Variants in CENPP observed in about 807,000 individuals in gnomAD.
The protein encoded by CENPP is centromere protein P.
Under a neutral mutation model 35.6 loss-of-function variants are expected in CENPP, and 24 were observed. The observed-to-expected ratio is 0.67, with a 90% confidence interval of 0.49 to 0.95. The LOEUF is 0.95. Ranked by LOEUF, CENPP falls within the 40% of genes least tolerant of loss-of-function variation. CENPP has a pLI of 0.00. For missense variants in CENPP, 332 were observed against 345.3 expected (o/e 0.96, Z 0.31); for synonymous variants, 120 against 125.5 (o/e 0.96, Z 0.29).
At chr9:92,421,230 G>A (rs1277456343) in intron 5 of CENPP, among the ~76,000 whole-genome samples, 1 of 152,078 alleles carries the variant, frequency 6.6e-6, no homozygotes, top group South Asian at 2.1e-4. Flanking sequence ...TGTAAAGACA[G>A]GGTTTTGCCA....
At chr9:92,400,938 G>A (rs1315464843) in intron 5 of CENPP, among the ~76,000 whole-genome samples, 4 of 152,178 alleles carry the variant, frequency 2.6e-5, no homozygotes, top group Non-Finnish European at 4.4e-5. Context: ...GATGGCAAAT[G>A]GTGTGCACTC....
chr9:92,496,298 C>T, intron 5 of CENPP: 1 of 1,563,482 alleles, frequency 6.4e-7, no homozygotes, highest in Non-Finnish European at 8.6e-7. Flanking sequence ...TTATAAACAG[C>T]AAAGGAAAAC....
intron 5 of CENPP, among the ~76,000 whole-genome samples, chr9:92,486,821 A>C (rs1349232522): frequency 3.5e-5 from 5 of 143,572 alleles, no homozygotes; most frequent in Non-Finnish European, 7.5e-5. Context: ...TTGCTCTGTC[A>C]CCCAGGCTGG....
chr9:92,500,638 C>T (rs1013776164), intron 5 of CENPP: 13 of 1,342,732 alleles, frequency 9.7e-6, no homozygotes, highest in Admixed American at 4.5e-5. Flanking sequence ...TTTCCCTTAA[C>T]GTAAATCCCA....
At chr9:92,356,540 C>T (rs536556807) in intron 4 of CENPP, among the ~76,000 whole-genome samples, 9 of 152,106 alleles carry the variant, frequency 5.9e-5, no homozygotes, top group Non-Finnish European at 1.2e-4. Context: ...CCTGAGGTGT[C>T]GTACATCCTC....
At chr9:92,437,925 A>T (rs1177112167) in intron 5 of CENPP, among the ~76,000 whole-genome samples, 1 of 150,108 alleles carries the variant, frequency 6.7e-6, no homozygotes, top group Non-Finnish European at 1.5e-5. Flanking sequence ...CTCCCTCCTC[A>T]GCATCTCGAG....
At chr9:92,562,202 CTTTTCTTTTTT>C (rs796544064) in intron 5 of CENPP, among the ~76,000 whole-genome samples, 1,770 of 133,448 alleles carry the variant, frequency 0.013, 36 homozygotes, top group African/African-American at 0.045. Context: ...TCTTTTTTTT[CTTTTCTTTTTT>C]TTTTTTTTGA....
chr9:92,491,425 T>C (rs368943117), intron 5 of CENPP, among the ~76,000 whole-genome samples: 1 of 152,286 alleles, frequency 6.6e-6, no homozygotes, highest in South Asian at 2.1e-4. Context: ...TGCAGTGAAC[T>C]TGGCTTCTGT....
Position 92,528,998 on chromosome 9 carries a change from C to T in CENPP, c.565-82316C>T, listed in dbSNP as rs555773364. Reference sequence around the variant, plus strand: ...TTCAAGAAGTGAGAAGAAGGATTAACCATGTAATGTAGAAACATAGAAGAT... The same window carrying T: ...TTCAAGAAGTGAGAAGAAGGATTAATCATGTAATGTAGAAACATAGAAGAT... On this transcript the variant is annotated intron_variant, in intron 5 of 7. Coordinates refer to ENST00000375587, the MANE Select transcript of CENPP (RefSeq NM_001012267.3). 3.9e-5 allele frequency among the ~76,000 whole-genome samples: 6 copies of T among 152,162 alleles called. No homozygotes were observed. The South Asian group carries it at 1.2e-3, about 32-fold the overall frequency.
At chr9:92,589,704 T>C (rs949234528) in intron 5 of CENPP, among the ~76,000 whole-genome samples, 2 of 152,242 alleles carry the variant, frequency 1.3e-5, no homozygotes, top group African/African-American at 2.4e-5. Context: ...GATTCTCTTA[T>C]GCGTTTACGA....
At chr9:92,501,596 G>A (rs1424069724) in intron 5 of CENPP, among the ~76,000 whole-genome samples, 1 of 152,160 alleles carries the variant, frequency 6.6e-6, no homozygotes, top group African/African-American at 2.4e-5. Context: ...GAAGATCTGG[G>A]GAACGTGGTG....
intron 5 of CENPP, among the ~76,000 whole-genome samples, chr9:92,434,054 G>C (rs1844186894): frequency 6.6e-6 from 1 of 152,044 alleles, no homozygotes; most frequent in East Asian, 1.9e-4. Flanking sequence ...AGCCAAGATT[G>C]AAGTCAGTAT....
chr9:92,474,547 A>C, intron 5 of CENPP: 4 of 1,520,482 alleles, frequency 2.6e-6, no homozygotes, highest in Non-Finnish European at 3.5e-6. Flanking sequence ...TTGAAATTTC[A>C]ATGAGACTTT....
rs1382102559 is a variant in CENPP at position 92,618,623 on chromosome 9, T to A, written c.*5474T>A. On this transcript the variant is annotated 3_prime_UTR_variant, in exon 8 of 8. Transcript: ENST00000375587. Reference sequence around the variant, plus strand: ...AGGAATTCCTCATAACTTAGCCCTGTAGGTATTTCCTTAGGGGATAACAGG... The same window carrying A: ...AGGAATTCCTCATAACTTAGCCCTGAAGGTATTTCCTTAGGGGATAACAGG... 1 of 453,460 alleles carries A rather than the reference T, an allele frequency of 2.2e-6. No homozygotes were observed. The highest frequency in any genetic ancestry group is 4.5e-6 in the Non-Finnish European group (1 of 224,462). The allele number at this position is 453,460 out of a possible 1,614,324, so 28.1% of individuals were successfully genotyped here.
At chr9:92,335,524 G>A (rs1840897520) in intron 2 of CENPP, among the ~76,000 whole-genome samples, 1 of 150,846 alleles carries the variant, frequency 6.6e-6, no homozygotes, top group Non-Finnish European at 1.5e-5. Flanking sequence ...TTTATATTTA[G>A]ATCTGTGATA....
intron 5 of CENPP, among the ~76,000 whole-genome samples, chr9:92,445,756 C>A (rs1844537101): frequency 6.6e-6 from 1 of 151,916 alleles, no homozygotes; most frequent in Non-Finnish European, 1.5e-5. Flanking sequence ...TGTTGGTAGA[C>A]ACCTGTAATC....
In CENPP at chr9:92,525,858, A is replaced by AC. The variant is rs1251889705; in HGVS notation, c.565-85454dup. On this transcript the variant is annotated intron_variant, in intron 5 of 7. Coordinates refer to ENST00000375587, the MANE Select transcript of CENPP (RefSeq NM_001012267.3). ...TGAGTAGCTAGGACTACAGGTATGC[A>AC]CCACCATGCCCAGAGTGCAGAGAGA... Among the ~76,000 whole-genome samples the AC allele has an allele frequency of 2.1e-5, 3 of 146,130 alleles. No homozygotes were observed. In the East Asian group the frequency reaches 6.0e-4, roughly 29 times the overall value.
At chr9:92,439,764 A>G (rs1564320908) in intron 5 of CENPP, among the ~76,000 whole-genome samples, 1 of 152,138 alleles carries the variant, frequency 6.6e-6, no homozygotes, top group African/African-American at 2.4e-5. Flanking sequence ...GATCCCCTCT[A>G]TATTTTCTGT....
chr9:92,540,165 G>A (rs1588256795), intron 5 of CENPP, among the ~76,000 whole-genome samples: 2 of 152,344 alleles, frequency 1.3e-5, no homozygotes, highest in Admixed American at 1.3e-4. Context: ...TCAGCCGGGC[G>A]CGGTGCCTCA....
Sources: gnomAD v4.1 joint callset for allele counts (sites outside exome capture counted in the v4.1 genomes callset) on GRCh38, gnomAD v4.1.1 for gene constraint, MANE v1.5 for transcripts, NCBI Gene and HGNC (gene_info 2026-07-23, HGNC 2026-07-21) for gene names.